BBS9: variants seen among roughly 807,000 people sequenced by gnomAD.
BBS9 encodes the protein Bardet-Biedl syndrome 9.
Under a neutral mutation model 117.7 loss-of-function variants are expected in BBS9, and 89 were observed. The observed-to-expected ratio is 0.76, with a 90% CI of 0.64 to 0.90. The LOEUF is 0.90. BBS9 is among the 40% of genes least tolerant of loss of function. The pLI is 0.00. For missense variants in BBS9, 982 were observed against 1,042.2 expected, an observed-to-expected ratio of 0.94 and a Z score of 0.80; for synonymous variants, 379 against 370.9, an observed-to-expected ratio of 1.02 and a Z score of -0.25.
At chr7:33,580,160 T>C (rs1434076607) in intron 21 of BBS9, among the ~76,000 whole-genome samples, 1 of 151,956 alleles carries the variant, frequency 6.6e-6, no homozygotes, top group Non-Finnish European at 1.5e-5. Flanking sequence ...GCTGGTTAGG[T>C]GACTTGCCAA....
At chr7:33,213,536 A>G (rs115272402) in intron 5 of BBS9, among the ~76,000 whole-genome samples, 1 of 152,188 alleles carries the variant, frequency 6.6e-6, no homozygotes, top group African/African-American at 2.4e-5. Context: ...TTCCCTCTGC[A>G]TTTCTCAAAC....
intron 17 of BBS9, among the ~76,000 whole-genome samples, chr7:33,368,616 A>ACACACACACACACACC (rs996468631): frequency 6.0e-4 from 88 of 145,696 alleles, no homozygotes; most frequent in African/African-American, 2.2e-3. Context: ...ACACACACAC[A>ACACACACACACACACC]CCCATACCCC....
At chr7:33,286,025 T>A (rs1397597734) in intron 9 of BBS9, among the ~76,000 whole-genome samples, 4 of 152,056 alleles carry the variant, frequency 2.6e-5, no homozygotes, top group African/African-American at 9.7e-5. Flanking sequence ...TCTATTTAAT[T>A]TGCCTGGCAG....
At position 33,550,312 on chromosome 7, in the gene BBS9, C is replaced by T. The variant is rs146416655; in HGVS notation, c.2521+16136C>T. 7.0e-3 allele frequency among the ~76,000 whole-genome samples: 1,061 copies of T among 151,920 alleles called. 6 individuals carry two copies. The highest frequency in any genetic ancestry group is 0.048 in the Middle Eastern group (14 of 294). ...GTATTTTCCTTTAGATTTTAGGGTG[C>T]CTAGATAAAGTATTTTAATTACTTA... On this transcript the variant is annotated intron_variant, in intron 21 of 22. Coordinates refer to ENST00000242067, the MANE Select transcript of BBS9 (RefSeq NM_198428.3).
chr7:33,252,527 A>G (rs990204567), intron 5 of BBS9, among the ~76,000 whole-genome samples: 7 of 152,070 alleles, frequency 4.6e-5, no homozygotes, highest in African/African-American at 1.7e-4. Context: ...GGTATCTTAG[A>G]ATTGGCATTT....
In BBS9 at chr7:33,182,521, A is replaced by G. The variant is rs184727805; in HGVS notation, c.442+4930A>G. On this transcript the variant is annotated intron_variant, in intron 5 of 22. Transcript: ENST00000242067. The stretch of plus-strand genomic sequence containing the variant: ...GACCTTAAAGCATTTATCAAACCTA[A>G]TATCTGACCTGCCTAATTTAGACCA... Among the ~76,000 whole-genome samples the G allele has an allele frequency of 5.3e-5, 8 of 152,320 alleles. No individual in the cohort carries two copies. In the East Asian group the frequency reaches 1.5e-3, roughly 29 times the overall value.
At chr7:33,566,802 T>A (rs927626234) in intron 21 of BBS9, among the ~76,000 whole-genome samples, 1 of 152,188 alleles carries the variant, frequency 6.6e-6, no homozygotes, top group African/African-American at 2.4e-5. Flanking sequence ...TGGCTTAAAT[T>A]TCATTGAAGA....
intron 21 of BBS9, among the ~76,000 whole-genome samples, chr7:33,615,697 A>G (rs984225002): frequency 3.9e-5 from 6 of 152,102 alleles, no homozygotes; most frequent in African/African-American, 1.4e-4. Flanking sequence ...GTCAGGCACC[A>G]AATCACAGAG....
chr7:33,629,900 C>G (rs1284850023), intron 21 of BBS9, among the ~76,000 whole-genome samples: 1 of 152,156 alleles, frequency 6.6e-6, no homozygotes, highest in Non-Finnish European at 1.5e-5. Context: ...TAAAACTCCT[C>G]TGTATTTTAT....
intron 21 of BBS9, among the ~76,000 whole-genome samples, chr7:33,579,953 C>T (rs1009940706): frequency 6.6e-6 from 1 of 152,174 alleles, no homozygotes; most frequent in South Asian, 2.1e-4. Flanking sequence ...AATTGGAACA[C>T]CATAAATGCA....
chr7:33,390,256 T>C (rs1826830037), intron 19 of BBS9: 1 of 985,300 alleles, frequency 1.0e-6, no homozygotes, highest in Non-Finnish European at 1.2e-6. Flanking sequence ...TGGAAGGGCA[T>C]TTAAAGGAAC....
At chr7:33,145,967 T>C (rs1397272062) in intron 1 of BBS9, among the ~76,000 whole-genome samples, 1 of 152,220 alleles carries the variant, frequency 6.6e-6, no homozygotes, top group Admixed American at 6.5e-5. Context: ...TGTTCTTTTG[T>C]TATTTTCTGC....
intron 21 of BBS9, among the ~76,000 whole-genome samples, chr7:33,573,124 C>T (rs1343097917): frequency 6.6e-6 from 1 of 151,980 alleles, no homozygotes; most frequent in African/African-American, 2.4e-5. Flanking sequence ...ATGCCCCCAT[C>T]ATTTTTTTCC....
chr7:33,510,784 G>A (rs73688887), intron 20 of BBS9, among the ~76,000 whole-genome samples: 2,090 of 152,288 alleles, frequency 0.014, 53 homozygotes, highest in African/African-American at 0.048. Context: ...GGACATTTCC[G>A]TTATTGCAGA....
chr7:33,165,192 A>G lies in BBS9; in HGVS notation c.328+9490A>G, dbSNP rs143885099. Among the ~76,000 whole-genome samples, 706 of 152,284 alleles carry G rather than the reference A, an allele frequency of 4.6e-3. 4 individuals are homozygous for G. The highest frequency in any genetic ancestry group is 0.016 in the African/African-American group (663 of 41,554). Reference sequence around the variant, plus strand: ...TCTGGCTTGTAGAGTTTCTGCCGAGAGATCCGCTGTTAGTCTGATGGGCTT... The same window carrying G: ...TCTGGCTTGTAGAGTTTCTGCCGAGGGATCCGCTGTTAGTCTGATGGGCTT... On this transcript the variant is annotated intron_variant, in intron 4 of 22. Coordinates refer to ENST00000242067, the MANE Select transcript of BBS9 (RefSeq NM_198428.3).
chr7:33,150,682 A>C (rs893195238), intron 2 of BBS9, among the ~76,000 whole-genome samples: 10 of 152,164 alleles, frequency 6.6e-5, no homozygotes, highest in African/African-American at 2.4e-4. Flanking sequence ...AGCTCTCCAC[A>C]CCACAACCCC....
At chr7:33,497,335 A>C (rs13227256) in intron 19 of BBS9, among the ~76,000 whole-genome samples, 1 of 152,020 alleles carries the variant, frequency 6.6e-6, no homozygotes, top group Non-Finnish European at 1.5e-5. Context: ...TAGTTGCACT[A>C]TATCTTTAGG....
chr7:33,611,755 A>G (rs914709069), intron 21 of BBS9, among the ~76,000 whole-genome samples: 1 of 138,688 alleles, frequency 7.2e-6, no homozygotes, highest in African/African-American at 2.7e-5. Context: ...TCCTTTATAT[A>G]ATATTATATA....
intron 19 of BBS9, among the ~76,000 whole-genome samples, chr7:33,489,729 A>G (rs948848349): frequency 7.2e-5 from 11 of 152,108 alleles, no homozygotes; most frequent in African/African-American, 2.4e-4. Context: ...ACAGGATAAA[A>G]CCCTAGAGAA....
Sources: allele counts gnomAD v4.1 joint callset (sites outside exome capture counted in the v4.1 genomes callset), GRCh38; gene constraint gnomAD v4.1.1; transcripts MANE v1.5; gene names NCBI Gene and HGNC (gene_info 2026-07-23, HGNC 2026-07-21).